The following MAP3K7CL variants were observed in gnomAD, a reference collection of about 807,000 sequenced individuals.
MAP3K7CL encodes the protein MAP3K7 C-terminal-like protein.
Under a neutral mutation model 18.6 loss-of-function variants are expected in MAP3K7CL, and 16 were observed. The ratio of observed to expected loss-of-function variants is 0.86; its 90% confidence interval spans 0.58 to 1.31. The LOEUF (loss-of-function observed/expected upper bound fraction) is 1.31, where lower values mean the gene tolerates loss of function less well. MAP3K7CL is among the 50% of genes most tolerant of loss of function. The pLI is 0.00. For missense variants in MAP3K7CL, 163 were observed against 174.4 expected, an observed-to-expected ratio of 0.93 and a Z score of 0.37; for synonymous variants, 65 against 66.8, an observed-to-expected ratio of 0.97 and a Z score of 0.13.
Position 29,173,075 on chromosome 21 carries a change from T to A in MAP3K7CL, c.249-1637T>A, listed in dbSNP as rs531274983. ...TTGCATGTATTTTATGCTAAAGCAA[T>A]GTTATTACTACTTTAAAACAGGGGT... On this transcript the variant is annotated intron_variant, in intron 4 of 4. Transcript: ENST00000399928. Among the ~76,000 whole-genome samples the A allele has an allele frequency of 1.3e-4, 20 of 152,314 alleles. 1 individual carries two copies. The highest frequency in any genetic ancestry group is 3.4e-3 in the Middle Eastern group (1 of 294).
intron 2 of MAP3K7CL, among the ~76,000 whole-genome samples, chr21:29,147,573 T>G (rs2087163179): frequency 6.6e-6 from 1 of 151,902 alleles, no homozygotes; most frequent in Non-Finnish European, 1.5e-5. Context: ...TATATGTATG[T>G]GTACTGTGTA....
At chr21:29,147,690 GTGTATGTGTAC>G (rs1162388505) in intron 2 of MAP3K7CL, among the ~76,000 whole-genome samples, 3 of 151,422 alleles carry the variant, frequency 2.0e-5, no homozygotes, top group Non-Finnish European at 2.9e-5. Context: ...GTATATGTAT[GTGTATGTGTAC>G]TGTATGTGTA....
Position 29,130,687 on chromosome 21 carries a change from G to C in MAP3K7CL, c.-276G>C. On this transcript the variant is annotated 5_prime_UTR_variant, in exon 1 of 5. Transcript: ENST00000399928. ...AGAGAGGCAAGGAAAGGAGAGAGGG[G>C]TTGTGAAGGGAAGCGGAAGGGAAGG... The C allele has an allele frequency of 6.1e-6, 6 of 985,552 alleles. No homozygotes were observed. Among genetic ancestry groups the C allele is most frequent in the Non-Finnish European group, 7.2e-6 (6 of 830,002 alleles). 61.1% of individuals were successfully genotyped at this position (985,552 alleles called of 1,614,324 possible).
intron 4 of MAP3K7CL, among the ~76,000 whole-genome samples, chr21:29,105,024 CAT>C (rs775048216): frequency 3.0e-4 from 46 of 152,278 alleles, no homozygotes; most frequent in East Asian, 1.9e-3. Flanking sequence ...GACTTTCCCA[CAT>C]GTTTCCTAAA....
chr21:29,102,968 C>G (rs1178209659), intron 4 of MAP3K7CL, among the ~76,000 whole-genome samples: 1 of 152,170 alleles, frequency 6.6e-6, no homozygotes, highest in East Asian at 1.9e-4. Flanking sequence ...GCTGCCCCCA[C>G]CAGCTAACAG....
At chr21:29,094,140 TG>T (rs2086079516) in intron 4 of MAP3K7CL, among the ~76,000 whole-genome samples, 1 of 152,236 alleles carries the variant, frequency 6.6e-6, no homozygotes, top group Non-Finnish European at 1.5e-5. Flanking sequence ...TATTTGGCAA[TG>T]GCTGGAGATA....
At chr21:29,134,932 T>A (rs1042190875) in intron 2 of MAP3K7CL, among the ~76,000 whole-genome samples, 3 of 151,978 alleles carry the variant, frequency 2.0e-5, no homozygotes, top group Non-Finnish European at 4.4e-5. Flanking sequence ...GCGCCTGTAG[T>A]CCCAGCTACT....
intron 4 of MAP3K7CL, among the ~76,000 whole-genome samples, chr21:29,166,303 C>T (rs1274925916): frequency 1.3e-5 from 2 of 152,176 alleles, no homozygotes; most frequent in African/African-American, 4.8e-5. Context: ...ATCATGTCCT[C>T]CAGGTTCATC....
rs189001102 is a variant in MAP3K7CL, at chr21:29,164,626, G to A, written c.248+4570G>A. ...ACTGTTATTTTAAATCATATCTGTT[G>A]GATGGAGAAAGAGAGTCAAACATTT... is the stretch of plus-strand genomic sequence containing the variant. On this transcript the variant is annotated intron_variant, in intron 4 of 4. Coordinates refer to ENST00000399928, the MANE Select transcript of MAP3K7CL (RefSeq NM_001286620.2). Among the ~76,000 whole-genome samples, 581 of 152,290 alleles carry A rather than the reference G, an allele frequency of 3.8e-3. 2 individuals are homozygous for A. Among genetic ancestry groups the A allele is most frequent in the Non-Finnish European group, 6.5e-3 (440 of 68,020 alleles).
At chr21:29,147,387 T>G (rs977809512) in intron 2 of MAP3K7CL, among the ~76,000 whole-genome samples, 2 of 151,960 alleles carry the variant, frequency 1.3e-5, no homozygotes, top group Non-Finnish European at 2.9e-5. Flanking sequence ...TATGTATATG[T>G]ACTGTACTGC....
chr21:29,092,690 G>C, intron 4 of MAP3K7CL: 1 of 1,284,678 alleles, frequency 7.8e-7, no homozygotes, highest in Admixed American at 1.9e-5. Flanking sequence ...GCAGGGATCT[G>C]GGTCAGAGCA....
At chr21:29,144,959 C>T (rs944442918) in intron 2 of MAP3K7CL, among the ~76,000 whole-genome samples, 9 of 152,176 alleles carry the variant, frequency 5.9e-5, no homozygotes, top group Admixed American at 1.3e-4. Context: ...AGCTTAAGGA[C>T]GTTGGCTTAG....
At chr21:29,108,922 C>A in intron 4 of MAP3K7CL, 1 of 940,156 alleles carries the variant, frequency 1.1e-6, no homozygotes, top group Non-Finnish European at 1.5e-6. Context: ...GAAAATTAGT[C>A]AAAATGAGAA....
chr21:29,167,311 G>A (rs991861004), intron 4 of MAP3K7CL, among the ~76,000 whole-genome samples: 1 of 152,154 alleles, frequency 6.6e-6, no homozygotes, highest in Non-Finnish European at 1.5e-5. Context: ...ACATCAGAAA[G>A]GGGTTTTCAT....
intron 2 of MAP3K7CL, among the ~76,000 whole-genome samples, chr21:29,134,627 T>C (rs2146633534): frequency 6.6e-6 from 1 of 152,318 alleles, no homozygotes; most frequent in South Asian, 2.1e-4. Context: ...AGGGTCACCC[T>C]GAAAGACAGT....
At chr21:29,077,316 CTA>C (rs1309612499), upstream of MAP3K7CL, among the ~76,000 whole-genome samples, 3 of 152,360 alleles carry the variant, frequency 2.0e-5, no homozygotes, top group East Asian at 5.8e-4. Flanking sequence ...AGGAAGACAG[CTA>C]AGGCCAGGCG....
intron 4 of MAP3K7CL, among the ~76,000 whole-genome samples, chr21:29,093,472 T>G (rs982369596): frequency 6.6e-6 from 1 of 151,844 alleles, no homozygotes; most frequent in Non-Finnish European, 1.5e-5. Context: ...TAGGTTTTTT[T>G]GTTTGTTTGT....
chr21:29,142,220 A>T (rs1056162490), intron 2 of MAP3K7CL, among the ~76,000 whole-genome samples: 3 of 151,990 alleles, frequency 2.0e-5, no homozygotes, highest in African/African-American at 7.3e-5. Context: ...GTGCGCCACC[A>T]TGCCCGGCTA....
At chr21:29,155,585 C>T (rs1163365268) in intron 3 of MAP3K7CL, among the ~76,000 whole-genome samples, 1 of 152,166 alleles carries the variant, frequency 6.6e-6, no homozygotes, top group Non-Finnish European at 1.5e-5. Flanking sequence ...CCGTGTGGCT[C>T]AAGCCGGCAT....
Sources: allele counts gnomAD v4.1 joint callset (sites outside exome capture counted in the v4.1 genomes callset), GRCh38; gene constraint gnomAD v4.1.1; transcripts MANE v1.5; gene names NCBI Gene and HGNC (gene_info 2026-07-23, HGNC 2026-07-21).